Variants in CAMKMT observed in about 807,000 individuals in gnomAD.
CAMKMT encodes CaM KMT.
A neutral mutation model predicts 48.0 loss-of-function variants in CAMKMT; 53 were observed. The ratio of observed to expected loss-of-function variants is 1.10; its 90% confidence interval spans 0.89 to 1.39. The LOEUF is 1.39. Ranked by LOEUF, CAMKMT falls within the 40% of genes most tolerant of loss-of-function variation. CAMKMT has a pLI of 0.00. For missense variants in CAMKMT, 428 were observed against 402.7 expected (o/e 1.06, Z -0.54); for synonymous variants, 165 against 152.3 (o/e 1.08, Z -0.61).
chr2:44,488,674 C>T (rs1469157087), intron 3 of CAMKMT, among the ~76,000 whole-genome samples: 1 of 151,818 alleles, frequency 6.6e-6, no homozygotes, highest in Admixed American at 6.6e-5. Flanking sequence ...TGCACTCCAG[C>T]CTGGGTGACA....
chr2:44,729,016 G>GT (rs1207881123), intron 7 of CAMKMT, among the ~76,000 whole-genome samples: 200 of 136,986 alleles, frequency 1.5e-3, no homozygotes, highest in African/African-American at 4.7e-3. Context: ...CATGTCTTTT[G>GT]TTTTTTTAAA....
At chr2:44,389,578 A>G (rs900748696) in intron 2 of CAMKMT, among the ~76,000 whole-genome samples, 62 of 152,042 alleles carry the variant, frequency 4.1e-4, no homozygotes, top group African/African-American at 1.3e-3. Flanking sequence ...CCCCTGAGAA[A>G]CTCAAACTCT....
intron 3 of CAMKMT, among the ~76,000 whole-genome samples, chr2:44,529,824 A>C (rs148293434): frequency 6.6e-6 from 1 of 152,230 alleles, no homozygotes; most frequent in Non-Finnish European, 1.5e-5. Context: ...ATTTACATGT[A>C]TATGGAGAAA....
Position 44,366,495 on chromosome 2 carries a change from T to G in CAMKMT, c.138+4350T>G, listed in dbSNP as rs1424993098. 5.3e-5 allele frequency among the ~76,000 whole-genome samples: 8 copies of G among 152,258 alleles called. No individual in the cohort carries two copies. The East Asian group carries it at 1.5e-3, about 29-fold the overall frequency. ...TGTTATCTTGTTGTATTGTTCATCTTTTTAAGCCATCTTGAATCCTTTTGG... is the reference window on the plus strand; with the variant it reads ...TGTTATCTTGTTGTATTGTTCATCTGTTTAAGCCATCTTGAATCCTTTTGG... On this transcript the variant is annotated intron_variant, in intron 1 of 10. Coordinates refer to ENST00000378494, the MANE Select transcript of CAMKMT (RefSeq NM_024766.5).
chr2:44,405,546 T>G (rs1004676152), intron 3 of CAMKMT, among the ~76,000 whole-genome samples: 2 of 152,078 alleles, frequency 1.3e-5, no homozygotes, highest in Admixed American at 6.5e-5. Context: ...AATCGGAACT[T>G]GAAGGAATGG....
intron 3 of CAMKMT, among the ~76,000 whole-genome samples, chr2:44,393,032 G>C (rs946061141): frequency 2.0e-5 from 3 of 152,026 alleles, no homozygotes; most frequent in South Asian, 2.1e-4. Context: ...GATATGTGTA[G>C]ATACAGTAAA....
chr2:44,576,090 G>T (rs1000272506), intron 3 of CAMKMT, among the ~76,000 whole-genome samples: 6 of 152,084 alleles, frequency 3.9e-5, no homozygotes, highest in African/African-American at 4.8e-5. Flanking sequence ...ACTTTGGGAG[G>T]CCGAGGTGGG....
Position 44,540,397 on chromosome 2 carries a change from A to G in CAMKMT, c.376+150092A>G, listed in dbSNP as rs549516357. On this transcript the variant is annotated intron_variant, in intron 3 of 10. Transcript: ENST00000378494. The stretch of plus-strand genomic sequence containing the variant: ...ATCTTGTACTTTCTCTGACATAGCC[A>G]TGGAACCAGTGAGTCCTCCAGGGAA... 3.9e-5 allele frequency among the ~76,000 whole-genome samples: 6 copies of G among 152,270 alleles called. No homozygotes were observed. The South Asian group carries it at 8.3e-4, about 21-fold the overall frequency.
intron 3 of CAMKMT, among the ~76,000 whole-genome samples, chr2:44,404,854 A>C (rs1431550441): frequency 6.6e-6 from 1 of 152,066 alleles, no homozygotes; most frequent in Non-Finnish European, 1.5e-5. Context: ...GGAGGAAGTG[A>C]ATATTAAGAG....
chr2:44,659,073 TA>T (rs1385411122), intron 3 of CAMKMT, among the ~76,000 whole-genome samples: 8 of 141,636 alleles, frequency 5.6e-5, no homozygotes, highest in Non-Finnish European at 9.0e-5. Context: ...TGTGTGTGTG[TA>T]GTTTTTTTTT....
chr2:44,536,286 A>G (rs370848509), intron 3 of CAMKMT, among the ~76,000 whole-genome samples: 1 of 152,030 alleles, frequency 6.6e-6, no homozygotes, highest in Middle Eastern at 3.2e-3. Context: ...TACTACCCAA[A>G]GAAATCTGTA....
intron 3 of CAMKMT, among the ~76,000 whole-genome samples, chr2:44,615,046 G>A (rs1308807438): frequency 7.2e-6 from 1 of 138,064 alleles, no homozygotes; most frequent in Non-Finnish European, 1.5e-5. Context: ...TGCCATCTCT[G>A]CCACCTGAGT....
chr2:44,379,433 T>G (rs1397572522), intron 2 of CAMKMT, among the ~76,000 whole-genome samples: 3 of 152,016 alleles, frequency 2.0e-5, no homozygotes, highest in Non-Finnish European at 4.4e-5. Context: ...TACCCAGGAG[T>G]GGAATTGCTG....
At chr2:44,386,164 T>C (rs1680761172) in intron 2 of CAMKMT, among the ~76,000 whole-genome samples, 2 of 152,114 alleles carry the variant, frequency 1.3e-5, no homozygotes, top group South Asian at 4.1e-4. Flanking sequence ...TTGTTATTGT[T>C]CTGTTCAGGG....
intron 3 of CAMKMT, among the ~76,000 whole-genome samples, chr2:44,655,656 T>G (rs1674338715): frequency 6.6e-6 from 1 of 152,172 alleles, no homozygotes; most frequent in Non-Finnish European, 1.5e-5. Context: ...AGAAAAGCAT[T>G]TAAAGCAAGG....
At chr2:44,554,835 C>T (rs1443782833) in intron 3 of CAMKMT, among the ~76,000 whole-genome samples, 1 of 152,076 alleles carries the variant, frequency 6.6e-6, no homozygotes, top group Non-Finnish European at 1.5e-5. Flanking sequence ...ATGATCATAC[C>T]CTGCACTCCG....
intron 3 of CAMKMT, among the ~76,000 whole-genome samples, chr2:44,396,356 G>C (rs1681841952): frequency 6.6e-6 from 1 of 152,056 alleles, no homozygotes; most frequent in Non-Finnish European, 1.5e-5. Flanking sequence ...CATATATTCA[G>C]ATGAAGATGT....
intron 3 of CAMKMT, among the ~76,000 whole-genome samples, chr2:44,567,655 A>G (rs1052593837): frequency 2.6e-5 from 4 of 152,156 alleles, no homozygotes; most frequent in Non-Finnish European, 2.9e-5. Flanking sequence ...CAGACATGGG[A>G]AGGATGAGAA....
intron 8 of CAMKMT, among the ~76,000 whole-genome samples, chr2:44,745,519 A>G (rs1679880513): frequency 6.6e-6 from 1 of 152,238 alleles, no homozygotes; most frequent in Admixed American, 6.5e-5. Flanking sequence ...CACACATAAC[A>G]TAATATTATA....
Sources: allele counts gnomAD v4.1 joint callset (sites outside exome capture counted in the v4.1 genomes callset), GRCh38; gene constraint gnomAD v4.1.1; transcripts MANE v1.5; gene names NCBI Gene and HGNC (gene_info 2026-07-23, HGNC 2026-07-21).